The following DACH1 variants were observed in gnomAD, a reference collection of about 807,000 sequenced individuals.
DACH1 encodes dachshund family transcription factor 1, also known as dachshund homolog 1.
In DACH1, 12 loss-of-function variants were observed where a neutral mutation model predicts 54.2. The observed-to-expected ratio is 0.22, with a 90% CI of 0.14 to 0.36. The LOEUF (loss-of-function observed/expected upper bound fraction) is 0.36. Ranked by LOEUF, DACH1 falls within the 10% of genes least tolerant of loss-of-function variation. The probability of loss-of-function intolerance (pLI) is 1.00; values close to 1 mark genes in which losing one functional copy is unlikely to be tolerated. For missense variants in DACH1, 805 were observed against 929.8 expected (o/e 0.87, Z 1.75); for synonymous variants, 386 against 366.2 (o/e 1.05, Z -0.62).
chr13:71,670,813 C>T (rs1316980637), intron 2 of DACH1, among the ~76,000 whole-genome samples: 1 of 151,870 alleles, frequency 6.6e-6, no homozygotes, highest in African/African-American at 2.4e-5. Context: ...TGTCATTTGA[C>T]ATTCATGACA....
intron 1 of DACH1, among the ~76,000 whole-genome samples, chr13:71,743,515 A>C (rs79914767): frequency 0.041 from 6,249 of 152,292 alleles, 414 homozygotes; most frequent in African/African-American, 0.14. Flanking sequence ...AGGTAGATAC[A>C]TCCTTCCTCA....
chr13:71,686,283 C>T (rs1258571122), intron 1 of DACH1, among the ~76,000 whole-genome samples: 1 of 152,106 alleles, frequency 6.6e-6, no homozygotes, highest in Non-Finnish European at 1.5e-5. Context: ...ATGTCCACAT[C>T]CACATTTAAT....
chr13:71,793,600 A>G (rs1249012582), intron 1 of DACH1, among the ~76,000 whole-genome samples: 1 of 152,008 alleles, frequency 6.6e-6, no homozygotes, highest in Non-Finnish European at 1.5e-5. Flanking sequence ...CAGTGGTGCA[A>G]TCTCACTGCA....
At chr13:71,485,600 T>TTTTTTC (rs1878432459) in intron 7 of DACH1, among the ~76,000 whole-genome samples, 1 of 100,178 alleles carries the variant, frequency 1.0e-5, no homozygotes, top group Admixed American at 1.1e-4. Flanking sequence ...TTTTTTTTTT[T>TTTTTTC]AGCTGGAGGG....
chr13:71,704,319 T>C lies in DACH1; in HGVS notation c.849-22409A>G. ...GTAGACATCAAGAGAATGCGTACTG[T>C]TCAAAAAGGAATGCTCCACAGGTGT... On this transcript the variant is annotated intron_variant, in intron 1 of 10. Coordinates refer to ENST00000613252, the MANE Select transcript of DACH1 (RefSeq NM_080759.6). 5.1e-6 allele frequency: 2 copies of C among 393,242 alleles called. 1 individual carries two copies. Among genetic ancestry groups the C allele is most frequent in the South Asian group, 4.8e-5 (2 of 41,460 alleles). The allele number at this position is 393,242 out of a possible 1,614,324, so 24.4% of individuals were successfully genotyped here.
intron 1 of DACH1, among the ~76,000 whole-genome samples, chr13:71,719,983 C>T (rs368556924): frequency 6.6e-5 from 10 of 152,244 alleles, no homozygotes; most frequent in East Asian, 1.9e-4. Context: ...GAGTTTATTA[C>T]GTACTGGGGA....
At chr13:71,653,653 C>T (rs1878840937) in intron 2 of DACH1, among the ~76,000 whole-genome samples, 2 of 152,110 alleles carry the variant, frequency 1.3e-5, no homozygotes, top group South Asian at 4.1e-4. Flanking sequence ...AAAACAAAGC[C>T]TAGGTTTGAA....
At chr13:71,853,943 C>T (rs1228976123) in intron 1 of DACH1, among the ~76,000 whole-genome samples, 1 of 152,008 alleles carries the variant, frequency 6.6e-6, no homozygotes, top group African/African-American at 2.4e-5. Context: ...TATCTTAGCA[C>T]CCACTTTGAC....
intron 10 of DACH1, among the ~76,000 whole-genome samples, chr13:71,449,727 G>C (rs1453115584): frequency 6.6e-6 from 1 of 152,018 alleles, no homozygotes; most frequent in Non-Finnish European, 1.5e-5. Context: ...TTTAAAAAAG[G>C]CTGGTATGAA....
chr13:71,513,462 G>A (rs1880932685), intron 6 of DACH1, among the ~76,000 whole-genome samples: 1 of 151,974 alleles, frequency 6.6e-6, no homozygotes, highest in Non-Finnish European at 1.5e-5. Flanking sequence ...AAAAATATTA[G>A]TAGAAGCAAG....
chr13:71,604,090 A>G (rs1874707657), intron 3 of DACH1, among the ~76,000 whole-genome samples: 1 of 151,842 alleles, frequency 6.6e-6, no homozygotes, highest in Non-Finnish European at 1.5e-5. Context: ...TTTTTTCAAA[A>G]CTCTACAAAT....
At chr13:71,733,908 G>A (rs1047688106) in intron 1 of DACH1, among the ~76,000 whole-genome samples, 1 of 151,952 alleles carries the variant, frequency 6.6e-6, no homozygotes, top group Non-Finnish European at 1.5e-5. Context: ...AATTAGCCAG[G>A]CATGGTGGCC....
At chr13:71,807,187 T>C (rs1887535619) in intron 1 of DACH1, among the ~76,000 whole-genome samples, 1 of 152,186 alleles carries the variant, frequency 6.6e-6, no homozygotes, top group Non-Finnish European at 1.5e-5. Flanking sequence ...TGTGCTATAT[T>C]AACAACTGTC....
intron 1 of DACH1, among the ~76,000 whole-genome samples, chr13:71,779,255 GTATATATGTGTATATA>G (rs1401978815): frequency 1.7e-5 from 1 of 60,066 alleles, no homozygotes; most frequent in Non-Finnish European, 3.3e-5. Flanking sequence ...ACGTATATAC[GTATATATGTGTATATA>G]TACGTATATA....
At chr13:71,736,139 T>G in intron 1 of DACH1, among the ~76,000 whole-genome samples, 1 of 152,064 alleles carries the variant, frequency 6.6e-6, no homozygotes, top group East Asian at 1.9e-4. Context: ...AGGAAAGAGT[T>G]TTGAAGGACC....
chr13:71,807,118 T>C (rs941087567), intron 1 of DACH1, among the ~76,000 whole-genome samples: 2 of 152,252 alleles, frequency 1.3e-5, no homozygotes, highest in South Asian at 2.1e-4. Context: ...CAGTTCCTGC[T>C]TTTGCAGAAC....
At chr13:71,513,457 T>C (rs1238999614) in intron 6 of DACH1, among the ~76,000 whole-genome samples, 1 of 152,004 alleles carries the variant, frequency 6.6e-6, no homozygotes, top group Non-Finnish European at 1.5e-5. Context: ...TTTGCAAAAA[T>C]ATTAGTAGAA....
intron 2 of DACH1, among the ~76,000 whole-genome samples, chr13:71,672,993 C>G (rs1245726693): frequency 6.6e-6 from 1 of 152,096 alleles, no homozygotes; most frequent in Non-Finnish European, 1.5e-5. Context: ...CTTGCAGTTA[C>G]TCAATTAAGG....
intron 1 of DACH1, among the ~76,000 whole-genome samples, chr13:71,802,053 A>G (rs546516015): frequency 6.6e-6 from 1 of 151,974 alleles, no homozygotes; most frequent in Non-Finnish European, 1.5e-5. Flanking sequence ...TTGCTGAGAG[A>G]TTTCAATTTC....
Sources: gnomAD v4.1 joint callset for allele counts (sites outside exome capture counted in the v4.1 genomes callset) on GRCh38, gnomAD v4.1.1 for gene constraint, MANE v1.5 for transcripts, NCBI Gene and HGNC (gene_info 2026-07-23, HGNC 2026-07-21) for gene names.